The following PFKL variants were observed in gnomAD, a reference collection of about 807,000 sequenced individuals.
PFKL encodes ATP-dependent 6-phosphofructokinase, liver type.
A neutral mutation model predicts 92.1 loss-of-function variants in PFKL; 74 were observed. The ratio of observed to expected loss-of-function variants is 0.80; its 90% CI spans 0.67 to 0.97. The LOEUF (loss-of-function observed/expected upper bound fraction) is 0.97, where lower values mean the gene tolerates loss of function less well. PFKL is among the 50% of genes least tolerant of loss of function. The probability of loss-of-function intolerance (pLI) is 0.00; values close to 1 mark genes in which losing one functional copy is unlikely to be tolerated. For synonymous variants in PFKL, 494 were observed against 456.4 expected (o/e 1.08, Z -1.05); for missense variants, 1,028 against 1,116.6 (o/e 0.92, Z 1.13).
In PFKL at chr21:44,311,229, C is replaced by T; in HGVS notation, c.237+146C>T. 4.6e-6 allele frequency: 3 copies of T among 646,252 alleles called. No homozygotes were observed. The South Asian group carries it at 5.6e-5, about 12-fold the overall frequency. The allele number at this position is 646,252 out of a possible 1,614,324, so 40.0% of individuals were successfully genotyped here. On this transcript the variant is annotated intron_variant, in intron 3 of 21. Coordinates refer to ENST00000349048, the MANE Select transcript of PFKL (RefSeq NM_002626.6). ...ACACACAGACATGCACACAGACGCACACACACACAGATGTGCACACACACA... is the reference window on the plus strand; with the variant it reads ...ACACACAGACATGCACACAGACGCATACACACACAGATGTGCACACACACA...
chr21:44,324,573 A>G lies in PFKL; in HGVS notation c.1733A>G (p.Tyr578Cys). 1 of 1,612,934 alleles carries G rather than the reference A, an allele frequency of 6.2e-7. No homozygotes were observed. Among genetic ancestry groups the G allele is most frequent in the Non-Finnish European group, 8.5e-7 (1 of 1,179,744 alleles). ...IVETMGGYCG[Y>C]LATVTGIAVG... ...GAGACCATGGGGGGTTACTGTGGCT[A>G]CCTGGCCACCGTGACTGGCATTGCT... is the stretch of plus-strand genomic sequence containing the variant. The change falls in exon 17 of 22, where the codon TAC (tyrosine) becomes TGC (cysteine). Residue 578 changes from tyrosine to cysteine, a missense_variant. Tyr to Cys is a radical substitution (Grantham distance 194). Transcript: ENST00000349048.
At chr21:44,312,770 C>T (rs2047084762) in intron 4 of PFKL, among the ~76,000 whole-genome samples, 1 of 152,180 alleles carries the variant, frequency 6.6e-6, no homozygotes, top group Non-Finnish European at 1.5e-5. Flanking sequence ...CAAGGCACCC[C>T]AGAGGTCCCC....
chr21:44,323,432 G>A (rs917559561), intron 15 of PFKL, among the ~76,000 whole-genome samples: 23 of 152,192 alleles, frequency 1.5e-4, no homozygotes, highest in Admixed American at 5.9e-4. Flanking sequence ...ATCGCTGAAC[G>A]TGGTGTCCTG....
chr21:44,323,906 TGCC>T lies in PFKL; in HGVS notation c.1642_1644del (p.Ala548del). Reference sequence around the variant, plus strand: ...GCCTGGGCTCCGACACTGCTGTAAATGCCGCCATGGAGGTACGGGGCTCCTGGA... The same window carrying T: ...GCCTGGGCTCCGACACTGCTGTAAATGCCATGGAGGTACGGGGCTCCTGGA... On this transcript the variant is annotated inframe_deletion, in exon 16 of 22. Transcript: ENST00000349048. The T allele has an allele frequency of 6.2e-7, 1 of 1,613,364 alleles. No homozygotes were observed. Among genetic ancestry groups the T allele is most frequent in the Non-Finnish European group, 8.5e-7 (1 of 1,179,922 alleles).
intron 10 of PFKL, among the ~76,000 whole-genome samples, chr21:44,318,934 A>G (rs1394673312): frequency 6.6e-6 from 1 of 152,152 alleles, no homozygotes; most frequent in Non-Finnish European, 1.5e-5. Context: ...TGATCAGAGC[A>G]GAGCCCTGGG....
At chr21:44,306,392 G>C (rs1344578153) in intron 1 of PFKL, among the ~76,000 whole-genome samples, 2 of 152,204 alleles carry the variant, frequency 1.3e-5, no homozygotes, top group African/African-American at 2.4e-5. Flanking sequence ...GCCTCCACCC[G>C]GGGGCCCAGG....
chr21:44,326,061 G>T lies in PFKL; in HGVS notation c.2089+1G>T. 1 of 1,613,316 alleles carries T rather than the reference G, an allele frequency of 6.2e-7. No homozygotes were observed. Among genetic ancestry groups the T allele is most frequent in the Non-Finnish European group, 8.5e-7 (1 of 1,179,674 alleles). ...AAGCTGCGCGAGGTTTACCGCAAGGGTAGGTGGTGGGTGCGACCCGAGGCC... is the reference window on the plus strand; with the variant it reads ...AAGCTGCGCGAGGTTTACCGCAAGGTTAGGTGGTGGGTGCGACCCGAGGCC... On this transcript the variant is annotated splice_donor_variant, in intron 20 of 21. Transcript: ENST00000349048. LOFTEE classifies it high-confidence loss of function.
chr21:44,322,326 G>C (rs2047379173), intron 14 of PFKL, 123 bp downstream of exon 14: 1 of 896,448 alleles, frequency 1.1e-6, no homozygotes, highest in Non-Finnish European at 1.7e-6. Flanking sequence ...CTTCCTGCTG[G>C]TGGTCTGCCC....
chr21:44,319,462 G>T, intron 11 of PFKL, 47 bp downstream of exon 11: 1 of 1,508,980 alleles, frequency 6.6e-7, no homozygotes, highest in South Asian at 1.1e-5. Flanking sequence ...GCTGGGTCCC[G>T]GTGCCAGGCA....
At chr21:44,310,393 G>A (rs2041081065) in intron 2 of PFKL, among the ~76,000 whole-genome samples, 2 of 152,164 alleles carry the variant, frequency 1.3e-5, no homozygotes, top group South Asian at 4.1e-4. Flanking sequence ...CCGGCCCTAC[G>A]AGCGATGGCC....
chr21:44,311,244 GCA>G (rs1265623689), intron 3 of PFKL, among the ~76,000 whole-genome samples, 161 bp downstream of exon 3: 3 of 147,528 alleles, frequency 2.0e-5, no homozygotes, highest in Non-Finnish European at 3.0e-5. Context: ...ACACAGATGT[GCA>G]CACACACAGA....
chr21:44,319,565 G>T (rs1457977100), intron 11 of PFKL, 150 bp downstream of exon 11: 9 of 699,212 alleles, frequency 1.3e-5, no homozygotes, highest in Admixed American at 9.1e-5. Flanking sequence ...CCTGCGGGTG[G>T]TACAGGAGGC....
At chr21:44,301,569 C>T (rs1047517077) in intron 1 of PFKL, among the ~76,000 whole-genome samples, 4 of 152,180 alleles carry the variant, frequency 2.6e-5, no homozygotes, top group African/African-American at 9.7e-5. Context: ...TTTGGGTGGC[C>T]TGGTGGGTTG....
chr21:44,311,247 C>T (rs1036891518), intron 3 of PFKL, among the ~76,000 whole-genome samples, 164 bp downstream of exon 3: 1 of 151,682 alleles, frequency 6.6e-6, no homozygotes, highest in African/African-American at 2.4e-5. Flanking sequence ...CAGATGTGCA[C>T]ACACACAGAT....
chr21:44,303,371 A>G (rs1483865534), intron 1 of PFKL, among the ~76,000 whole-genome samples: 1 of 143,960 alleles, frequency 6.9e-6, no homozygotes, highest in Non-Finnish European at 1.5e-5. Flanking sequence ...AGATCCCGCC[A>G]CTGCACTCCA....
intron 13 of PFKL, 101 bp from the exon 14 acceptor site, chr21:44,322,032 G>A (rs1162305567): frequency 3.1e-5 from 45 of 1,465,126 alleles, no homozygotes; most frequent in Middle Eastern, 3.8e-4. Context: ...TGCCTGCAGC[G>A]TGATGCCCAA....
At chr21:44,324,412 C>T (rs1021193530) in intron 16 of PFKL, 79 bp from the exon 17 acceptor site, 2 of 1,478,820 alleles carry the variant, frequency 1.4e-6, no homozygotes, top group African/African-American at 1.4e-5. Context: ...ACACAGGGCT[C>T]CCTGCAGGGT....
At chr21:44,305,754 C>T (rs1446350169) in intron 1 of PFKL, 1 of 1,360,386 alleles carries the variant, frequency 7.4e-7, no homozygotes, top group African/African-American at 1.5e-5. Context: ...TACATTAGCA[C>T]CAGCGTTTCC....
chr21:44,319,690 A>G (rs980907715), intron 11 of PFKL: 5 of 552,520 alleles, frequency 9.0e-6, no homozygotes, highest in African/African-American at 3.8e-5. Context: ...AGCCCAGGAC[A>G]TGGGGTGGCC....
Sources: gnomAD v4.1 joint callset for allele counts (sites outside exome capture counted in the v4.1 genomes callset) on GRCh38, gnomAD v4.1.1 for gene constraint, MANE v1.5 for transcripts, NCBI Gene and HGNC (gene_info 2026-07-23, HGNC 2026-07-21) for gene names.